The following ABCA3 variants were observed in gnomAD, a reference collection of about 807,000 sequenced individuals.
The protein encoded by ABCA3 is ATP binding cassette subfamily A member 3.
A neutral mutation model predicts 172.8 loss-of-function variants in ABCA3; 88 were observed. The ratio of observed to expected loss-of-function variants is 0.51; its 90% confidence interval spans 0.43 to 0.61. The LOEUF (loss-of-function observed/expected upper bound fraction) is 0.61, where lower values mean the gene tolerates loss of function less well. Among genes scored for constraint, ABCA3 ranks in the 20% least tolerant of loss-of-function variants. ABCA3 has a pLI of 0.00. For missense variants in ABCA3, 2,164 were observed against 2,301.0 expected, an observed-to-expected ratio of 0.94 and a Z score of 1.22; for synonymous variants, 1,066 against 983.8, an observed-to-expected ratio of 1.08 and a Z score of -1.56.
chr16:2,296,839 C>A (rs2093680547), intron 17 of ABCA3, among the ~76,000 whole-genome samples: 1 of 152,182 alleles, frequency 6.6e-6, no homozygotes. Context: ...AGGAGGGCTC[C>A]TATGTCTTTG....
At chr16:2,295,451 C>G in intron 18 of ABCA3, 139 bp downstream of exon 18, 1 of 1,320,334 alleles carries the variant, frequency 7.6e-7, no homozygotes, top group Admixed American at 1.7e-5. Context: ...GCTGATGGTG[C>G]CCAGGCTGAG....
At chr16:2,324,110 T>C (rs2093730374) in intron 6 of ABCA3, among the ~76,000 whole-genome samples, 1 of 152,250 alleles carries the variant, frequency 6.6e-6, no homozygotes, top group Admixed American at 6.5e-5. Context: ...TTAGACTCTG[T>C]TCTGGAGACC....
Position 2,286,769 on chromosome 16 carries a change from G to A in ABCA3, c.3203C>T (p.Pro1068Leu), listed in dbSNP as rs746922596. Residue 1068 changes from proline (P) to leucine (L), a missense_variant, in exon 22 of 33, where the codon CCT becomes CTT. By Grantham distance (98) the Pro-to-Leu change is moderately conservative. This residue lies in a region of ABCA3 where 795 missense variants were observed against 881.9 expected (regional missense o/e 0.90). Transcript: ENST00000301732. The surrounding 1 kb of genome is among the most constrained non-coding windows in gnomAD (Gnocchi z 5.2). The stretch of plus-strand genomic sequence containing the variant: ...GTTGGAGACCACAATGGAGGCGTGA[G>A]GCCCGCACAGCAGCTTGAACAGAAG... ...DNLLFKLLCG[P>L]HASIVVSNFP... 3.7e-6 allele frequency: 6 copies of A among 1,614,138 alleles called. No homozygotes were observed. Among genetic ancestry groups the A allele is most frequent in the Admixed American group, 3.3e-5 (2 of 60,016 alleles).
At position 2,314,523 on chromosome 16, in the gene ABCA3, G is replaced by T. The variant is rs548978916; in HGVS notation, c.1111+2760C>A. Among the ~76,000 whole-genome samples the T allele has an allele frequency of 1.1e-3, 164 of 152,230 alleles. 1 individual carries two copies. Among genetic ancestry groups the T allele is most frequent in the South Asian group, 2.9e-3 (14 of 4,820 alleles). ...CGGGAAACATGAAAACCATTCTGGAGGTGGACATGGGGGTGGGTGCACAAC... is the reference window on the plus strand; with the variant it reads ...CGGGAAACATGAAAACCATTCTGGATGTGGACATGGGGGTGGGTGCACAAC... On this transcript the variant is annotated intron_variant, in intron 10 of 32. Transcript: ENST00000301732.
At chr16:2,309,747 G>A (rs1228882127) in intron 10 of ABCA3, among the ~76,000 whole-genome samples, 1 of 152,134 alleles carries the variant, frequency 6.6e-6, no homozygotes, top group African/African-American at 2.4e-5. Context: ...GCTAGGGAGA[G>A]CAGCTAGGAC....
At position 2,276,266 on chromosome 16, in the gene ABCA3, C is replaced by T; in HGVS notation, c.*408G>A. The T allele has an allele frequency of 2.2e-6, 1 of 457,784 alleles. No homozygotes were observed. The highest frequency in any genetic ancestry group is 4.4e-6 in the Non-Finnish European group (1 of 228,028). The allele number at this position is 457,784 out of a possible 1,614,324, so 28.4% of individuals were successfully genotyped here. A position where few individuals can be genotyped will look rare whatever the true frequency, so the allele number is the denominator to read the frequency against. On this transcript the variant is annotated 3_prime_UTR_variant, in exon 33 of 33. Coordinates refer to ENST00000301732, the MANE Select transcript of ABCA3 (RefSeq NM_001089.3). Reference sequence around the variant, plus strand: ...GCTACAGTTCAACCTGGCTGGCTTCCCGCTTCCTCCCCAGGGGAGATTAGT... The same window carrying T: ...GCTACAGTTCAACCTGGCTGGCTTCTCGCTTCCTCCCCAGGGGAGATTAGT...
In ABCA3 at chr16:2,317,352, C is replaced by G; in HGVS notation, c.1042G>C (p.Ala348Pro). Residue 348 changes from alanine to proline, a missense_variant, in exon 10 of 33, where the codon GCC (alanine) becomes CCC (proline). By Grantham distance (27) the Ala-to-Pro change is conservative. Transcript: ENST00000301732. ...GAGATGGCGAAGCACAGCAGGAAGG[C>G]GAGCACCAGGGAGGGGTCGCTGCGG... ...LSRSDPSLVL[A>P]FLLCFAISTI... is the part of the protein sequence containing the mutation. 8 of 1,614,032 alleles carry G rather than the reference C, an allele frequency of 5.0e-6. No individual in the cohort carries two copies. The highest frequency in any genetic ancestry group is 3.4e-6 in the Non-Finnish European group (4 of 1,180,024).
At chr16:2,335,539 G>C (rs2093750412) in intron 1 of ABCA3, among the ~76,000 whole-genome samples, 1 of 152,044 alleles carries the variant, frequency 6.6e-6, no homozygotes, top group South Asian at 2.1e-4. Flanking sequence ...CAAAGTGCTG[G>C]GACCACTGGC....
At chr16:2,334,286 T>A (rs2093748210) in intron 1 of ABCA3, among the ~76,000 whole-genome samples, 1 of 152,006 alleles carries the variant, frequency 6.6e-6, no homozygotes, top group Non-Finnish European at 1.5e-5. Context: ...GTGCAGAGAA[T>A]GAGCCAGGAA....
chr16:2,324,232 T>G lies in ABCA3; in HGVS notation c.447+172A>C, dbSNP rs1596865123. Among the ~76,000 whole-genome samples the G allele has an allele frequency of 2.0e-5, 3 of 152,196 alleles. No individual in the cohort carries two copies. The East Asian group carries it at 5.8e-4, about 29-fold the overall frequency. ...GGTTTAAATGTCACCAAGATCCCCT[T>G]GGCGGGGACTGTGATGATATTATCA... On this transcript the variant is annotated intron_variant, in intron 6 of 32. Coordinates refer to ENST00000301732, the MANE Select transcript of ABCA3 (RefSeq NM_001089.3).
chr16:2,289,983 A>T (rs2093669451), intron 19 of ABCA3, among the ~76,000 whole-genome samples: 1 of 151,430 alleles, frequency 6.6e-6, no homozygotes, highest in African/African-American at 2.4e-5. Flanking sequence ...ACACACACAC[A>T]CACACACACA....
chr16:2,315,304 G>A (rs2093713492), intron 10 of ABCA3, among the ~76,000 whole-genome samples: 1 of 151,636 alleles, frequency 6.6e-6, no homozygotes, highest in African/African-American at 2.4e-5. Flanking sequence ...AGACACATGA[G>A]CCCTCAGATC....
intron 10 of ABCA3, 54 bp from the exon 11 acceptor site, chr16:2,308,677 C>A: frequency 6.2e-7 from 1 of 1,605,838 alleles, no homozygotes; most frequent in South Asian, 1.1e-5. Flanking sequence ...TCAAAAGGGG[C>A]TTGGGCTCCC....
At position 2,295,613 on chromosome 16, in the gene ABCA3, G is replaced by T; in HGVS notation, c.2391C>A (p.Ile797=). Residue 797 remains isoleucine (I), a synonymous_variant, in exon 18 of 33, where the codon ATC becomes ATA. Coordinates refer to ENST00000301732, the MANE Select transcript of ABCA3 (RefSeq NM_001089.3). ...ACCTGTGCGTGCTCTCTCTGGGAAG[G>T]ATGAAAGACAGCTCGGCCCCAGCGC... ...ESSAGAELSF[I]LPRESTHRFE... 6.2e-7 allele frequency: 1 copy of T among 1,613,816 alleles called. No individual in the cohort carries two copies.
chr16:2,308,366 C>G, intron 11 of ABCA3, 84 bp downstream of exon 11: 11 of 1,556,014 alleles, frequency 7.1e-6, no homozygotes, highest in Non-Finnish European at 9.7e-6. Flanking sequence ...CCAGGTGGAG[C>G]CTTGCTGCTG....
rs546641047 is a variant in ABCA3, at chr16:2,277,823, G to A, written c.4909+56C>T. ...GACGCTCCGCACAGCAGATGGGAGA[G>A]GCCTAGGTAGGGGCCCAGGGCCCAC... On this transcript the variant is annotated intron_variant, in intron 31 of 32. Transcript: ENST00000301732. This position sits in a 1 kb window ranked among gnomAD's most constrained non-coding sequence, Gnocchi z 5.3. The A allele has an allele frequency of 2.5e-6, 4 of 1,603,180 alleles. No homozygotes were observed. Among genetic ancestry groups the A allele is most frequent in the Non-Finnish European group, 3.4e-6 (4 of 1,176,714 alleles).
chr16:2,281,534 A>G lies in ABCA3; in HGVS notation c.4036-25T>C. ...TCTGATTGACCAGGACAAAGACCGC[A>G]TGCGTGAACCCAGCCGCAGGGCGGC... On this transcript the variant is annotated intron_variant, in intron 26 of 32. Transcript: ENST00000301732. The surrounding 1 kb of genome is among the most constrained non-coding windows in gnomAD (Gnocchi z 4.7). 1 of 1,312,090 alleles carries G rather than the reference A, an allele frequency of 7.6e-7. No homozygotes were observed. The highest frequency in any genetic ancestry group is 1.0e-6 in the Non-Finnish European group (1 of 979,192). The allele number at this position is 1,312,090 out of a possible 1,614,324, so 81.3% of individuals were successfully genotyped here. A position where few individuals can be genotyped will look rare whatever the true frequency, so the allele number is the denominator to read the frequency against.
At position 2,277,800 on chromosome 16, in the gene ABCA3, C is replaced by T. The variant is rs1203326914; in HGVS notation, c.4909+79G>A. ...GGGACTTGGCGGGGCGAGGCACAGA[C>T]GCTCCGCACAGCAGATGGGAGAGGC... On this transcript the variant is annotated intron_variant, in intron 31 of 32. Coordinates refer to ENST00000301732, the MANE Select transcript of ABCA3 (RefSeq NM_001089.3). This position sits in a 1 kb window ranked among gnomAD's most constrained non-coding sequence, Gnocchi z 5.3. 49 of 1,595,418 alleles carry T rather than the reference C, an allele frequency of 3.1e-5. No homozygotes were observed. Among genetic ancestry groups the T allele is most frequent in the East Asian group, 4.5e-5 (2 of 44,102 alleles).
At chr16:2,320,619 G>A (rs1322379575) in intron 7 of ABCA3, among the ~76,000 whole-genome samples, 1 of 151,066 alleles carries the variant, frequency 6.6e-6, no homozygotes, top group Admixed American at 6.6e-5. Context: ...GGCTGGTCCC[G>A]AACTCCTGAC....
Sources: allele counts gnomAD v4.1 joint callset (sites outside exome capture counted in the v4.1 genomes callset), GRCh38; gene constraint gnomAD v4.1.1; regional missense constraint gnomAD v4.1.1; non-coding constraint Gnocchi (gnomAD v3.1); transcripts MANE v1.5; gene names NCBI Gene and HGNC (gene_info 2026-07-23, HGNC 2026-07-21).